BMP5: variants seen among roughly 807,000 people sequenced by gnomAD.
BMP5 encodes the protein bone morphogenetic protein 5.
In BMP5, 23 loss-of-function variants were observed where a neutral mutation model predicts 46.6. The ratio of observed to expected loss-of-function variants is 0.49; its 90% CI spans 0.35 to 0.70. The LOEUF (loss-of-function observed/expected upper bound fraction) is 0.70. Among genes scored for constraint, BMP5 ranks in the 30% least tolerant of loss-of-function variants. The pLI is 0.00. For missense variants in BMP5, 545 were observed against 565.6 expected (o/e 0.96, Z 0.37); for synonymous variants, 204 against 191.9 (o/e 1.06, Z -0.52).
chr6:55,819,182 C>T (rs1265373841), intron 2 of BMP5, among the ~76,000 whole-genome samples: 1 of 152,154 alleles, frequency 6.6e-6, no homozygotes, highest in Non-Finnish European at 1.5e-5. Context: ...ATTTTTGTAT[C>T]ATTCCGAATT....
At position 55,755,449 on chromosome 6, in the gene BMP5, TC is replaced by T. The variant is rs1774563237; in HGVS notation, c.*83del. 3 of 1,358,726 alleles carry T rather than the reference TC, an allele frequency of 2.2e-6. No individual in the cohort carries two copies. Among genetic ancestry groups the T allele is most frequent in the Non-Finnish European group, 3.1e-6 (3 of 970,240 alleles). The allele number at this position is 1,358,726 out of a possible 1,614,324, so 84.2% of individuals were successfully genotyped here. A position where few individuals can be genotyped will look rare whatever the true frequency, so the allele number is the denominator to read the frequency against. On this transcript the variant is annotated 3_prime_UTR_variant, in exon 7 of 7. Coordinates refer to ENST00000370830, the MANE Select transcript of BMP5 (RefSeq NM_021073.4). ...ATGAGCCAGACTAATTTTAGGAAAT[TC>T]CCCGTTTGTCTGAAAGTATGCTTTT...
At chr6:55,810,238 C>G (rs1228422244) in intron 2 of BMP5, among the ~76,000 whole-genome samples, 1 of 151,968 alleles carries the variant, frequency 6.6e-6, no homozygotes, top group Non-Finnish European at 1.5e-5. Context: ...TCTTACTAAC[C>G]ATTAATTTTC....
chr6:55,856,646 G>A (rs984757799), intron 1 of BMP5, among the ~76,000 whole-genome samples: 1 of 151,914 alleles, frequency 6.6e-6, no homozygotes, highest in Non-Finnish European at 1.5e-5. Flanking sequence ...AATTGATAGT[G>A]TTGAACATTT....
intron 1 of BMP5, among the ~76,000 whole-genome samples, chr6:55,863,299 A>G (rs1054411278): frequency 6.6e-6 from 1 of 152,182 alleles, no homozygotes; most frequent in South Asian, 2.1e-4. Context: ...TAAAAGTTGT[A>G]TACTTTTTAA....
chr6:55,786,779 C>T (rs1174682474), intron 3 of BMP5, among the ~76,000 whole-genome samples: 1 of 151,392 alleles, frequency 6.6e-6, no homozygotes, highest in African/African-American at 2.4e-5. Flanking sequence ...ATATGTGATT[C>T]TTTCAGTTTC....
At chr6:55,768,632 G>A (rs974513942) in intron 4 of BMP5, among the ~76,000 whole-genome samples, 2 of 151,888 alleles carry the variant, frequency 1.3e-5, no homozygotes, top group South Asian at 2.1e-4. Context: ...CTTGCCCTAC[G>A]AAATCACCAT....
intron 3 of BMP5, among the ~76,000 whole-genome samples, chr6:55,792,495 C>T (rs1255808920): frequency 6.9e-6 from 1 of 145,588 alleles, no homozygotes; most frequent in African/African-American, 2.6e-5. Flanking sequence ...GATTGCGCCA[C>T]TGCACTCCAG....
intron 3 of BMP5, among the ~76,000 whole-genome samples, chr6:55,777,641 G>T (rs192926893): frequency 6.6e-6 from 1 of 151,966 alleles, no homozygotes; most frequent in South Asian, 2.1e-4. Flanking sequence ...AACAGTGATA[G>T]ATTTGATTCG....
chr6:55,858,782 C>T (rs1246367683), intron 1 of BMP5, among the ~76,000 whole-genome samples: 2 of 152,174 alleles, frequency 1.3e-5, no homozygotes, highest in African/African-American at 4.8e-5. Flanking sequence ...GGCACATATA[C>T]ACAATGGAAT....
At chr6:55,766,476 C>T (rs1774919291) in intron 4 of BMP5, among the ~76,000 whole-genome samples, 2 of 152,034 alleles carry the variant, frequency 1.3e-5, no homozygotes, top group African/African-American at 4.8e-5. Context: ...GTTATCCACC[C>T]TCTTCAAACC....
intron 4 of BMP5, 140 bp from the exon 5 acceptor site, chr6:55,760,673 C>A (rs1330986735): frequency 1.4e-6 from 1 of 712,428 alleles, no homozygotes; most frequent in African/African-American, 1.8e-5. Flanking sequence ...AAAGTTAGAA[C>A]TACTTACTAA....
At chr6:55,827,722 T>C (rs1484455587) in intron 1 of BMP5, among the ~76,000 whole-genome samples, 6 of 151,856 alleles carry the variant, frequency 4.0e-5, no homozygotes, top group Non-Finnish European at 4.4e-5. Flanking sequence ...TAAACGTTAA[T>C]ATTAAATGTC....
chr6:55,863,772 G>A (rs138366090), intron 1 of BMP5, among the ~76,000 whole-genome samples: 3 of 152,164 alleles, frequency 2.0e-5, no homozygotes, highest in South Asian at 4.1e-4. Context: ...CCAATTACGT[G>A]TTTTCAGATA....
At chr6:55,812,252 A>G (rs540235271) in intron 2 of BMP5, among the ~76,000 whole-genome samples, 1 of 152,350 alleles carries the variant, frequency 6.6e-6, no homozygotes, top group East Asian at 1.9e-4. Context: ...TAAGTATCAG[A>G]ACACTCCTTT....
In BMP5 at chr6:55,840,993, T is replaced by C. The variant is rs564390542; in HGVS notation, c.491-21146A>G. ...GTAAGCAGTGGGTGAGGAAGCATTATGGCCTGAGCCCTGCCTCCTGTCAAA... is the reference window on the plus strand; with the variant it reads ...GTAAGCAGTGGGTGAGGAAGCATTACGGCCTGAGCCCTGCCTCCTGTCAAA... On this transcript the variant is annotated intron_variant, in intron 1 of 6. Coordinates refer to ENST00000370830, the MANE Select transcript of BMP5 (RefSeq NM_021073.4). Among the ~76,000 whole-genome samples, 53 of 152,288 alleles carry C rather than the reference T, an allele frequency of 3.5e-4. 1 individual carries two copies. In the South Asian group the frequency reaches 0.011, roughly 31 times the overall value.
intron 4 of BMP5, chr6:55,772,981 G>A: frequency 1.1e-6 from 1 of 925,298 alleles, no homozygotes; most frequent in Non-Finnish European, 1.3e-6. Flanking sequence ...GCATGTTTGA[G>A]TAATAAATAG....
chr6:55,846,386 T>C (rs1777098458), intron 1 of BMP5, among the ~76,000 whole-genome samples: 1 of 152,174 alleles, frequency 6.6e-6, no homozygotes, highest in African/African-American at 2.4e-5. Flanking sequence ...TTGTTCAGGA[T>C]GGTTCTCACT....
intron 2 of BMP5, among the ~76,000 whole-genome samples, chr6:55,818,600 G>A (rs1189678014): frequency 2.0e-5 from 3 of 152,010 alleles, no homozygotes; most frequent in Non-Finnish European, 4.4e-5. Flanking sequence ...ATCTCCGAGA[G>A]GATAGTCTAA....
chr6:55,871,804 G>A (rs1777793560), intron 1 of BMP5, among the ~76,000 whole-genome samples: 1 of 151,416 alleles, frequency 6.6e-6, no homozygotes, highest in Non-Finnish European at 1.5e-5. Context: ...TTCTAATTAT[G>A]GGAAATGTCA....
Sources: allele counts gnomAD v4.1 joint callset (sites outside exome capture counted in the v4.1 genomes callset), GRCh38; gene constraint gnomAD v4.1.1; transcripts MANE v1.5; gene names NCBI Gene and HGNC (gene_info 2026-07-23, HGNC 2026-07-21).